The following CNTNAP2 variants were observed in gnomAD, a reference collection of about 807,000 sequenced individuals.
CNTNAP2 encodes contactin associated protein 2.
In CNTNAP2, 98 loss-of-function variants were observed where a neutral mutation model predicts 155.2. That is an observed-to-expected ratio of 0.63 (90% confidence interval 0.54 to 0.75). The LOEUF (loss-of-function observed/expected upper bound fraction) is 0.75, where lower values mean the gene tolerates loss of function less well. Among genes scored for constraint, CNTNAP2 ranks in the 30% least tolerant of loss-of-function variants. The probability of loss-of-function intolerance (pLI) is 0.00; values close to 1 mark genes in which losing one functional copy is unlikely to be tolerated. For missense variants in CNTNAP2, 1,727 were observed against 1,688.1 expected, an observed-to-expected ratio of 1.02 and a Z score of -0.40; for synonymous variants, 651 against 631.2, an observed-to-expected ratio of 1.03 and a Z score of -0.47.
intron 11 of CNTNAP2, among the ~76,000 whole-genome samples, chr7:147,525,734 C>A (rs1472146901): frequency 6.6e-6 from 1 of 152,190 alleles, no homozygotes; most frequent in Admixed American, 6.5e-5. Context: ...AAAATAAATT[C>A]TCTCGGATCA....
chr7:146,419,042 C>T lies in CNTNAP2; in HGVS notation c.97+302069C>T, dbSNP rs150037874. On this transcript the variant is annotated intron_variant, in intron 1 of 23. Transcript: ENST00000361727. ...TTTTCACACTGCTGATAAAGTCATA[C>T]CTGAGATTGGGGTATGCCTTTATTT... 5.0e-3 allele frequency among the ~76,000 whole-genome samples: 763 copies of T among 152,108 alleles called. 5 individuals carry two copies. Among genetic ancestry groups the T allele is most frequent in the Non-Finnish European group, 7.7e-3 (525 of 68,000 alleles).
intron 13 of CNTNAP2, among the ~76,000 whole-genome samples, chr7:147,797,741 C>T (rs1345525494): frequency 6.6e-6 from 1 of 151,996 alleles, no homozygotes; most frequent in Non-Finnish European, 1.5e-5. Context: ...GTGTGATGTT[C>T]CAGCATAAAT....
At chr7:147,409,403 A>T (rs1383821984) in intron 10 of CNTNAP2, among the ~76,000 whole-genome samples, 2 of 152,238 alleles carry the variant, frequency 1.3e-5, no homozygotes. Flanking sequence ...AATTAACTCA[A>T]GATAGATTAA....
intron 8 of CNTNAP2, among the ~76,000 whole-genome samples, chr7:147,255,199 A>G (rs1804293825): frequency 1.3e-5 from 2 of 152,136 alleles, no homozygotes; most frequent in Admixed American, 6.5e-5. Context: ...ACACCTATCA[A>G]TGCTGTATTG....
intron 4 of CNTNAP2, among the ~76,000 whole-genome samples, chr7:147,052,040 T>C (rs1318246288): frequency 6.6e-6 from 1 of 152,096 alleles, no homozygotes; most frequent in East Asian, 1.9e-4. Flanking sequence ...CAGGCAGTCA[T>C]TGGAGATACT....
chr7:147,989,676 C>T (rs1210796192), intron 15 of CNTNAP2, among the ~76,000 whole-genome samples: 1 of 152,144 alleles, frequency 6.6e-6, no homozygotes, highest in Non-Finnish European at 1.5e-5. Flanking sequence ...GAGGTGCTGG[C>T]CACAATACCT....
intron 21 of CNTNAP2, among the ~76,000 whole-genome samples, chr7:148,341,501 A>AT (rs1323713413): frequency 6.6e-6 from 1 of 152,098 alleles, no homozygotes; most frequent in African/African-American, 2.4e-5. Context: ...GTCCCCATCA[A>AT]TTTTTAGGCG....
At chr7:147,646,092 T>C (rs1795361184) in intron 13 of CNTNAP2, among the ~76,000 whole-genome samples, 1 of 152,196 alleles carries the variant, frequency 6.6e-6, no homozygotes, top group Admixed American at 6.5e-5. Context: ...ATGGACTGCA[T>C]GTCTGGGAGG....
chr7:148,228,745 G>A (rs1046465824), intron 19 of CNTNAP2, among the ~76,000 whole-genome samples: 2 of 148,178 alleles, frequency 1.3e-5, no homozygotes, highest in African/African-American at 5.0e-5. Flanking sequence ...GGAGAATGGC[G>A]TGAACCCGGG....
intron 1 of CNTNAP2, among the ~76,000 whole-genome samples, chr7:146,498,397 T>C (rs1797250858): frequency 1.3e-5 from 2 of 152,176 alleles, no homozygotes; most frequent in African/African-American, 4.8e-5. Context: ...GAGCACTCCA[T>C]TTTTAGCAGA....
chr7:147,551,378 C>G (rs1348931192), intron 11 of CNTNAP2, among the ~76,000 whole-genome samples: 3 of 152,130 alleles, frequency 2.0e-5, no homozygotes, highest in Admixed American at 6.5e-5. Context: ...ATTATTACTT[C>G]TCTGGTCCTT....
At position 146,533,107 on chromosome 7, in the gene CNTNAP2, C is replaced by CAAAAAA. The variant is rs553035616; in HGVS notation, c.98-241141_98-241136dup. 2.3e-4 allele frequency among the ~76,000 whole-genome samples: 11 copies of CAAAAAA among 47,850 alleles called. 1 individual carries two copies. Among genetic ancestry groups the CAAAAAA allele is most frequent in the African/African-American group, 7.5e-4 (11 of 14,696 alleles). The allele number at this position is 47,850 out of a possible 152,430, so 31.4% of individuals were successfully genotyped here. A position where few individuals can be genotyped will look rare whatever the true frequency, so the allele number is the denominator to read the frequency against. On this transcript the variant is annotated intron_variant, in intron 1 of 23. Transcript: ENST00000361727. The stretch of plus-strand genomic sequence containing the variant: ...ACTGAGGGAGAGGGAGACCCTGTCT[C>CAAAAAA]AAAAAAAAAAAAAAAAAAAAAAAAA...
chr7:147,166,031 A>G (rs1802106829), intron 8 of CNTNAP2, among the ~76,000 whole-genome samples: 1 of 152,210 alleles, frequency 6.6e-6, no homozygotes, highest in Admixed American at 6.5e-5. Context: ...ACTACTGGGT[A>G]TCTACCCAGA....
intron 1 of CNTNAP2, among the ~76,000 whole-genome samples, chr7:146,652,846 A>T (rs1443124963): frequency 6.6e-6 from 1 of 152,202 alleles, no homozygotes; most frequent in African/African-American, 2.4e-5. Context: ...ACTGTATTTC[A>T]TCAGCTTTGA....
intron 15 of CNTNAP2, among the ~76,000 whole-genome samples, chr7:148,064,005 G>A (rs1432672652): frequency 1.3e-5 from 2 of 151,980 alleles, no homozygotes; most frequent in African/African-American, 4.8e-5. Context: ...CCCACTTTAT[G>A]TTTTTGTTTG....
chr7:146,616,446 T>C (rs1464556011), intron 1 of CNTNAP2, among the ~76,000 whole-genome samples: 1 of 152,224 alleles, frequency 6.6e-6, no homozygotes, highest in African/African-American at 2.4e-5. Flanking sequence ...TTGTTCAATA[T>C]GAGGATGGCC....
At chr7:147,132,988 G>C (rs956641017) in intron 8 of CNTNAP2, among the ~76,000 whole-genome samples, 4 of 152,006 alleles carry the variant, frequency 2.6e-5, no homozygotes, top group Non-Finnish European at 5.9e-5. Flanking sequence ...TTATGCAAAT[G>C]GTTGGAAAAG....
intron 1 of CNTNAP2, among the ~76,000 whole-genome samples, chr7:146,451,559 G>A (rs936048369): frequency 6.6e-5 from 10 of 152,080 alleles, no homozygotes; most frequent in Non-Finnish European, 1.5e-4. Context: ...GTGCTCTGCT[G>A]TCACTGTCTT....
intron 8 of CNTNAP2, among the ~76,000 whole-genome samples, chr7:147,275,252 G>A (rs1804869709): frequency 6.6e-6 from 1 of 152,150 alleles, no homozygotes; most frequent in South Asian, 2.1e-4. Context: ...CTTTGGGGCA[G>A]TATAGTCATT....
Sources: gnomAD v4.1 joint callset for allele counts (sites outside exome capture counted in the v4.1 genomes callset) on GRCh38, gnomAD v4.1.1 for gene constraint, MANE v1.5 for transcripts, NCBI Gene and HGNC (gene_info 2026-07-23, HGNC 2026-07-21) for gene names.